NTAQ1: variants seen among roughly 807,000 people sequenced by gnomAD.
The protein encoded by NTAQ1 is protein N-terminal glutamine amidohydrolase.
NTAQ1 carries 21 observed loss-of-function variants against 28.2 expected under a neutral mutation model. That is an observed-to-expected ratio of 0.74 (90% CI 0.53 to 1.07). NTAQ1 has a LOEUF of 1.07. Ranked by LOEUF, NTAQ1 falls within the 50% of genes least tolerant of loss-of-function variation. NTAQ1 has a pLI of 0.00. For missense variants in NTAQ1, 264 were observed against 256.6 expected (o/e 1.03, Z -0.20); for synonymous variants, 105 against 90.0 (o/e 1.17, Z -0.94).
intron 6 of NTAQ1, among the ~76,000 whole-genome samples, chr8:123,457,013 T>C (rs561634768): frequency 6.6e-6 from 1 of 152,336 alleles, no homozygotes; most frequent in Admixed American, 6.5e-5. Flanking sequence ...GAAATGTTTA[T>C]GTTTCTTAAG....
chr8:123,420,434 T>C (rs1436663342), intron 1 of NTAQ1, among the ~76,000 whole-genome samples: 1 of 152,168 alleles, frequency 6.6e-6, no homozygotes, highest in Non-Finnish European at 1.5e-5. Context: ...ATATACACAG[T>C]AATGGGATTG....
At chr8:123,432,630 A>C (rs116507426) in intron 3 of NTAQ1, among the ~76,000 whole-genome samples, 3,788 of 151,782 alleles carry the variant, frequency 0.025, 148 homozygotes, top group African/African-American at 0.084. Flanking sequence ...ATGAGACTTC[A>C]TCTCAAAAAA....
intron 5 of NTAQ1, among the ~76,000 whole-genome samples, chr8:123,440,463 G>A (rs6415480): frequency 0.36 from 54,161 of 148,896 alleles, 9,889 homozygotes; most frequent in East Asian, 0.56. Context: ...GCTGCTTTTC[G>A]TCTTTCTGAG....
At chr8:123,433,822 G>C (rs1478583659) in intron 3 of NTAQ1, among the ~76,000 whole-genome samples, 1 of 152,116 alleles carries the variant, frequency 6.6e-6, no homozygotes, top group Non-Finnish European at 1.5e-5. Context: ...GACCAAGCTT[G>C]TCTAACCTGC....
downstream of NTAQ1, among the ~76,000 whole-genome samples, chr8:123,470,532 T>C (rs547095187): frequency 3.3e-5 from 5 of 152,340 alleles, no homozygotes; most frequent in South Asian, 1.0e-3. Flanking sequence ...AGGTAGGTGC[T>C]TAAAAGTGAA....
chr8:123,417,559 C>T (rs999730140), intron 1 of NTAQ1, among the ~76,000 whole-genome samples: 1 of 152,134 alleles, frequency 6.6e-6, no homozygotes, highest in Non-Finnish European at 1.5e-5. Context: ...CCACGCAGTG[C>T]ACCCCTGTCC....
At chr8:123,459,841 G>T (rs1292866132) in intron 6 of NTAQ1, among the ~76,000 whole-genome samples, 3 of 115,268 alleles carry the variant, frequency 2.6e-5, no homozygotes, top group African/African-American at 1.0e-4. Context: ...TTCACTCATT[G>T]CCCAGGCTGG....
At chr8:123,425,393 A>G (rs1437274131) in intron 1 of NTAQ1, among the ~76,000 whole-genome samples, 1 of 151,934 alleles carries the variant, frequency 6.6e-6, no homozygotes, top group African/African-American at 2.4e-5. Context: ...TGCCCGGCCC[A>G]GTCAGTAAAT....
intron 6 of NTAQ1, among the ~76,000 whole-genome samples, chr8:123,460,051 C>T (rs912889648): frequency 6.6e-6 from 1 of 152,080 alleles, no homozygotes; most frequent in Non-Finnish European, 1.5e-5. Flanking sequence ...CCGCCTGCCT[C>T]GGCCCCCCAA....
At chr8:123,443,941 C>T (rs549577191), downstream of NTAQ1, among the ~76,000 whole-genome samples, 27 of 152,138 alleles carry the variant, frequency 1.8e-4, no homozygotes, top group African/African-American at 6.5e-4. Flanking sequence ...GGATTTCTGT[C>T]ATTTTTAACT....
At chr8:123,428,257 GT>G (rs762178273) in intron 2 of NTAQ1, among the ~76,000 whole-genome samples, 220 of 152,192 alleles carry the variant, frequency 1.4e-3, no homozygotes, top group Non-Finnish European at 2.8e-3. Flanking sequence ...GTGCAGTGGC[GT>G]GATTCTTGGC....
At chr8:123,419,616 C>T (rs773391578) in intron 1 of NTAQ1, among the ~76,000 whole-genome samples, 4 of 152,114 alleles carry the variant, frequency 2.6e-5, no homozygotes, top group Non-Finnish European at 5.9e-5. Flanking sequence ...TGCTTTGTGC[C>T]AGGGGTCCTC....
chr8:123,452,845 C>T (rs779548187), downstream of NTAQ1, among the ~76,000 whole-genome samples: 14 of 151,970 alleles, frequency 9.2e-5, no homozygotes, highest in South Asian at 2.1e-4. Context: ...AGGTGGAGAT[C>T]GCACCATTGC....
downstream of NTAQ1, among the ~76,000 whole-genome samples, chr8:123,449,899 C>CTCTCTCT (rs1563901878): frequency 9.5e-6 from 1 of 105,594 alleles, no homozygotes; most frequent in African/African-American, 3.6e-5. Context: ...CTCTATCTCT[C>CTCTCTCT]CATATGTATA....
chr8:123,418,438 A>C (rs1216464519), intron 1 of NTAQ1, among the ~76,000 whole-genome samples: 14 of 137,138 alleles, frequency 1.0e-4, no homozygotes, highest in Admixed American at 9.0e-4. Context: ...ACAGAGCAAG[A>C]CTCCATCTCA....
At chr8:123,433,914 A>AT (rs1466927224) in intron 3 of NTAQ1, among the ~76,000 whole-genome samples, 1 of 110,494 alleles carries the variant, frequency 9.1e-6, no homozygotes, top group East Asian at 2.9e-4. Flanking sequence ...ACATTATGAA[A>AT]TTTTTTTGTG....
chr8:123,453,491 C>T (rs533829049), intron 6 of NTAQ1, among the ~76,000 whole-genome samples: 32 of 151,380 alleles, frequency 2.1e-4, no homozygotes, highest in African/African-American at 7.0e-4. Context: ...TGCAGTGGCA[C>T]GATCTCAGCT....
intron 1 of NTAQ1, among the ~76,000 whole-genome samples, chr8:123,417,974 C>T (rs1158547636): frequency 6.6e-6 from 1 of 152,146 alleles, no homozygotes; most frequent in Non-Finnish European, 1.5e-5. Context: ...TTTTTCTGTC[C>T]TGCCTCTCTT....
intron 6 of NTAQ1, among the ~76,000 whole-genome samples, chr8:123,459,994 T>C (rs1815773022): frequency 6.6e-6 from 1 of 152,012 alleles, no homozygotes; most frequent in Non-Finnish European, 1.5e-5. Flanking sequence ...GAGACGGGGT[T>C]TCTCCATGTT....
Sources: allele counts gnomAD v4.1 joint callset (sites outside exome capture counted in the v4.1 genomes callset), GRCh38; gene constraint gnomAD v4.1.1; transcripts MANE v1.5; gene names NCBI Gene and HGNC (gene_info 2026-07-23, HGNC 2026-07-21).